The following ABTB3 variants were observed in gnomAD, a reference collection of about 807,000 sequenced individuals.
ABTB3 encodes the protein ankyrin repeat and BTB domain containing 3.
the ABTB3 span, among the ~76,000 whole-genome samples, chr12:107,565,809 C>T: frequency 6.6e-6 from 1 of 152,206 alleles, no homozygotes. Flanking sequence ...GGCAGGGGCA[C>T]ACGTGGTCCC....
At chr12:107,415,500 A>G in the ABTB3 span, among the ~76,000 whole-genome samples, 1 of 152,062 alleles carries the variant, frequency 6.6e-6, no homozygotes, top group Non-Finnish European at 1.5e-5. Flanking sequence ...CAAGGTCAGG[A>G]GATCGAGACC....
At chr12:107,520,662 C>A in the ABTB3 span, 2 of 1,612,848 alleles carry the variant, frequency 1.2e-6, no homozygotes, top group Non-Finnish European at 1.7e-6. Flanking sequence ...TTCTCCAGCT[C>A]TCATGCCTCA....
At chr12:107,397,577 G>C in the ABTB3 span, among the ~76,000 whole-genome samples, 3,778 of 152,104 alleles carry the variant, frequency 0.025, 60 homozygotes, top group African/African-American at 0.033. Flanking sequence ...GCTTATCATG[G>C]GGTATATTTC....
At chr12:107,633,749 C>T in the ABTB3 span, among the ~76,000 whole-genome samples, 161 of 152,318 alleles carry the variant, frequency 1.1e-3, 1 homozygote, top group African/African-American at 3.7e-3. Flanking sequence ...AGGTCGAACC[C>T]ATGACAGAAT....
chr12:107,577,573 C>G, the ABTB3 span, among the ~76,000 whole-genome samples: 2 of 152,090 alleles, frequency 1.3e-5, no homozygotes, highest in African/African-American at 4.8e-5. Flanking sequence ...AGCTGACATG[C>G]TGGCTTGACT....
the ABTB3 span, among the ~76,000 whole-genome samples, chr12:107,639,982 G>C: frequency 6.6e-6 from 1 of 152,230 alleles, no homozygotes; most frequent in Admixed American, 6.5e-5. Context: ...TGGGCAGGGA[G>C]GGCGCTGAGC....
At chr12:107,448,858 ACC>A in the ABTB3 span, among the ~76,000 whole-genome samples, 3 of 152,206 alleles carry the variant, frequency 2.0e-5, no homozygotes, top group African/African-American at 7.2e-5. Flanking sequence ...GGCGTGAGCC[ACC>A]ACACCTGGCC....
the ABTB3 span, among the ~76,000 whole-genome samples, chr12:107,365,298 G>A: frequency 2.6e-5 from 4 of 152,156 alleles, no homozygotes; most frequent in East Asian, 7.7e-4. Context: ...TGATGAGGAT[G>A]AGCAAACTTT....
chr12:107,426,302 G>A, the ABTB3 span, among the ~76,000 whole-genome samples: 41 of 152,308 alleles, frequency 2.7e-4, no homozygotes, highest in Non-Finnish European at 5.1e-4. Flanking sequence ...GTGGACGGAC[G>A]GCAAGCCTGC....
At chr12:107,361,282 A>C in the ABTB3 span, among the ~76,000 whole-genome samples, 3 of 152,196 alleles carry the variant, frequency 2.0e-5, no homozygotes, top group Non-Finnish European at 4.4e-5. Context: ...TTATGCATTT[A>C]CGTTTTTTCC....
At chr12:107,429,552 A>G in the ABTB3 span, among the ~76,000 whole-genome samples, 3 of 152,180 alleles carry the variant, frequency 2.0e-5, no homozygotes, top group African/African-American at 7.2e-5. Context: ...CTCACCTGCC[A>G]GGTTCGAATT....
the ABTB3 span, among the ~76,000 whole-genome samples, chr12:107,458,932 C>T: frequency 2.6e-5 from 4 of 152,182 alleles, no homozygotes; most frequent in Non-Finnish European, 5.9e-5. Flanking sequence ...GGGAGCTTGG[C>T]GGATGCCTTG....
At chr12:107,389,403 T>A in the ABTB3 span, among the ~76,000 whole-genome samples, 7 of 152,150 alleles carry the variant, frequency 4.6e-5, no homozygotes, top group Non-Finnish European at 1.0e-4. Flanking sequence ...TAAGCCGCAA[T>A]ACTCCCCAAG....
the ABTB3 span, among the ~76,000 whole-genome samples, chr12:107,536,040 A>C: frequency 7.9e-5 from 12 of 152,208 alleles, no homozygotes; most frequent in African/African-American, 2.9e-4. Context: ...GTATAAAAAC[A>C]GACACATAGA....
At chr12:107,497,395 AT>A in the ABTB3 span, among the ~76,000 whole-genome samples, 1 of 133,242 alleles carries the variant, frequency 7.5e-6, no homozygotes, top group African/African-American at 3.6e-5. Context: ...CATCTCTACC[AT>A]CATCATCATC....
chr12:107,466,843 C>T, the ABTB3 span, among the ~76,000 whole-genome samples: 2 of 152,110 alleles, frequency 1.3e-5, no homozygotes, highest in East Asian at 1.9e-4. Flanking sequence ...AATGCCTCAC[C>T]GAGGAAGAAG....
chr12:107,606,539 C>T, the ABTB3 span, among the ~76,000 whole-genome samples: 8 of 152,078 alleles, frequency 5.3e-5, no homozygotes, highest in Non-Finnish European at 7.4e-5. Flanking sequence ...TGCCCAATAA[C>T]GTTTATCCAG....
chr12:107,355,529 T>G, the ABTB3 span, among the ~76,000 whole-genome samples: 1 of 152,234 alleles, frequency 6.6e-6, no homozygotes, highest in Non-Finnish European at 1.5e-5. Flanking sequence ...AGCTTGGGGC[T>G]TTGAGCACTG....
At chr12:107,540,536 C>T in the ABTB3 span, among the ~76,000 whole-genome samples, 25 of 152,284 alleles carry the variant, frequency 1.6e-4, no homozygotes, top group South Asian at 4.6e-3. Flanking sequence ...TAAAATTAAC[C>T]ATCATACCCC....
Sources: gnomAD v4.1 joint callset for allele counts (sites outside exome capture counted in the v4.1 genomes callset) on GRCh38, gnomAD v4.1.1 for gene constraint, MANE v1.5 for transcripts, NCBI Gene and HGNC (gene_info 2026-07-23, HGNC 2026-07-21) for gene names.